ATG7: variants seen among roughly 807,000 people sequenced by gnomAD.
ATG7 encodes the protein autophagy related 7.
In ATG7, 70 loss-of-function variants were observed where a neutral mutation model predicts 82.4. The observed-to-expected ratio is 0.85, with a 90% confidence interval of 0.70 to 1.04. The LOEUF is 1.04. ATG7 is among the 50% of genes least tolerant of loss of function. ATG7 has a pLI of 0.00. For missense variants in ATG7, 792 were observed against 864.3 expected (o/e 0.92, Z 1.05); for synonymous variants, 287 against 313.0 (o/e 0.92, Z 0.88).
At chr3:11,425,069 C>A (rs897046768) in intron 19 of ATG7, among the ~76,000 whole-genome samples, 1 of 152,032 alleles carries the variant, frequency 6.6e-6, no homozygotes, top group Non-Finnish European at 1.5e-5. Context: ...TTCAGGTGAT[C>A]CTCCCACTTT....
chr3:11,275,475 A>G (rs1575085356), intron 1 of ATG7, among the ~76,000 whole-genome samples: 1 of 145,232 alleles, frequency 6.9e-6, no homozygotes. Flanking sequence ...CAGCCTCCCC[A>G]GGAACTGGGA....
At chr3:11,291,001 T>G (rs1054657412) in intron 3 of ATG7, among the ~76,000 whole-genome samples, 3 of 152,142 alleles carry the variant, frequency 2.0e-5, no homozygotes, top group African/African-American at 7.2e-5. Flanking sequence ...ATCTTTTAAG[T>G]AGTCATCCTT....
chr3:11,358,337 A>G, intron 14 of ATG7, 81 bp from the exon 15 acceptor site: 6 of 1,379,088 alleles, frequency 4.4e-6, no homozygotes, highest in South Asian at 4.0e-5. Context: ...AAGTAAGTGC[A>G]GGCAGCTGTG....
intron 19 of ATG7, among the ~76,000 whole-genome samples, chr3:11,421,974 C>G (rs1195745381): frequency 6.6e-6 from 1 of 152,212 alleles, no homozygotes; most frequent in Admixed American, 6.5e-5. Flanking sequence ...TAGGTCTCAA[C>G]AGTGGGCTTA....
rs1397070896 is a variant in ATG7 at position 11,484,424 on chromosome 3, CA to C, written c.2079+57503del. On this transcript the variant is annotated intron_variant, in intron 20 of 20. Coordinates refer to ENST00000693202, the MANE Select transcript of ATG7 (RefSeq NM_001349232.2). ...AAAAAACAAACAAACAAAAAAACCA[CA>C]AAAACGACAAACCCAAAAGGGTTAA... Among the ~76,000 whole-genome samples, 18 of 152,236 alleles carry C rather than the reference CA, an allele frequency of 1.2e-4. 1 individual carries two copies. Among genetic ancestry groups the C allele is most frequent in the Admixed American group, 9.8e-4 (15 of 15,290 alleles).
intron 20 of ATG7, among the ~76,000 whole-genome samples, chr3:11,535,566 C>G (rs913295460): frequency 3.3e-5 from 5 of 152,124 alleles, no homozygotes; most frequent in African/African-American, 9.7e-5. Context: ...GCCAGTGAAC[C>G]GAGGGGACAG....
intron 20 of ATG7, among the ~76,000 whole-genome samples, chr3:11,513,245 G>A (rs2092142827): frequency 6.6e-6 from 1 of 152,244 alleles, no homozygotes; most frequent in African/African-American, 2.4e-5. Flanking sequence ...CCGTGCGTCT[G>A]CACTCCTCAG....
chr3:11,324,499 A>C (rs1350943331), intron 9 of ATG7, among the ~76,000 whole-genome samples: 1 of 152,300 alleles, frequency 6.6e-6, no homozygotes, highest in Middle Eastern at 3.4e-3. Context: ...TGGGTAGGAA[A>C]GTTACCTTAA....
At chr3:11,420,988 C>A (rs188738526) in intron 19 of ATG7, among the ~76,000 whole-genome samples, 3 of 152,162 alleles carry the variant, frequency 2.0e-5, no homozygotes, top group East Asian at 3.9e-4. Context: ...ATCTCCTGAC[C>A]TCGTGATCCG....
chr3:11,315,634 C>A, intron 9 of ATG7, 141 bp downstream of exon 9: 2 of 725,544 alleles, frequency 2.8e-6, no homozygotes, highest in South Asian at 2.5e-5. Context: ...TTCCTTATCT[C>A]TATCCTCTCC....
At chr3:11,342,453 C>T (rs1049436575) in intron 13 of ATG7, among the ~76,000 whole-genome samples, 174 bp downstream of exon 13, 1 of 152,000 alleles carries the variant, frequency 6.6e-6, no homozygotes, top group African/African-American at 2.4e-5. Flanking sequence ...CTTTTATCAT[C>T]AGATAGAAAC....
At chr3:11,311,702 A>G (rs975979722) in intron 7 of ATG7, among the ~76,000 whole-genome samples, 2 of 152,058 alleles carry the variant, frequency 1.3e-5, no homozygotes, top group Non-Finnish European at 2.9e-5. Flanking sequence ...TACAAAGAAG[A>G]GAAAATAATC....
chr3:11,345,375 C>T (rs1350634272), intron 13 of ATG7, among the ~76,000 whole-genome samples: 1 of 152,182 alleles, frequency 6.6e-6, no homozygotes, highest in Non-Finnish European at 1.5e-5. Flanking sequence ...CGCCACTGCA[C>T]TCCAGCCTGG....
Position 11,313,649 on chromosome 3 carries a change from C to T in ATG7, c.528+229C>T, listed in dbSNP as rs1366245788. ...CTGGGTCTCACCCCCATTACGCAGGCTGGAGTGCAGTGGCACGATCACTGC... is the reference window on the plus strand; with the variant it reads ...CTGGGTCTCACCCCCATTACGCAGGTTGGAGTGCAGTGGCACGATCACTGC... On this transcript the variant is annotated intron_variant, in intron 8 of 20. Transcript: ENST00000693202. 3.3e-5 allele frequency among the ~76,000 whole-genome samples: 5 copies of T among 152,194 alleles called. No homozygotes were observed. The East Asian group carries it at 9.6e-4, about 29-fold the overall frequency.
chr3:11,564,616 T>C, the ATG7 span: 2 of 727,528 alleles, frequency 2.7e-6, no homozygotes, highest in Non-Finnish European at 4.4e-6. Flanking sequence ...AGGACTCCTG[T>C]TCTGCTGTCC....
At chr3:11,559,173 C>T (rs111577306), downstream of ATG7, among the ~76,000 whole-genome samples, 350 of 152,262 alleles carry the variant, frequency 2.3e-3, 1 homozygote, top group African/African-American at 8.0e-3. Context: ...CCAAGTCATG[C>T]GCAACGCTAG....
intron 14 of ATG7, among the ~76,000 whole-genome samples, chr3:11,355,099 AC>A (rs925579306): frequency 6.6e-6 from 1 of 152,200 alleles, no homozygotes; most frequent in African/African-American, 2.4e-5. Flanking sequence ...TGAGTCTTTG[AC>A]TGAATAGCGA....
intron 19 of ATG7, among the ~76,000 whole-genome samples, chr3:11,413,169 A>G (rs941915588): frequency 2.0e-5 from 3 of 152,028 alleles, no homozygotes; most frequent in Non-Finnish European, 2.9e-5. Context: ...ATTTTCCTTG[A>G]CTGATTTCTC....
intron 20 of ATG7, chr3:11,529,403 T>C (rs1242681597): frequency 6.6e-6 from 1 of 152,278 alleles, no homozygotes; most frequent in African/African-American, 2.4e-5. Context: ...ATTGATTTTA[T>C]GTTCCCAGAT....
Sources: gnomAD v4.1 joint callset for allele counts (sites outside exome capture counted in the v4.1 genomes callset) on GRCh38, gnomAD v4.1.1 for gene constraint, MANE v1.5 for transcripts, NCBI Gene and HGNC (gene_info 2026-07-23, HGNC 2026-07-21) for gene names.